Variants in TRAPPC9 observed in about 807,000 individuals in gnomAD.
The protein encoded by TRAPPC9 is trafficking protein particle complex subunit 9.
TRAPPC9 carries 83 observed loss-of-function variants against 124.0 expected under a neutral mutation model. The ratio of observed to expected loss-of-function variants is 0.67; its 90% confidence interval spans 0.56 to 0.80. TRAPPC9 has a LOEUF of 0.80. TRAPPC9 is among the 30% of genes least tolerant of loss of function. The pLI is 0.00. For missense variants in TRAPPC9, 1,302 were observed against 1,508.3 expected (o/e 0.86, Z 2.27); for synonymous variants, 638 against 617.5 (o/e 1.03, Z -0.49).
At position 139,907,204 on chromosome 8, in the gene TRAPPC9, G is replaced by A. The variant is rs60399990; in HGVS notation, c.2964+2943C>T. Among the ~76,000 whole-genome samples, 1,882 of 152,204 alleles carry A rather than the reference G, an allele frequency of 0.012. 40 individuals carry two copies. Among genetic ancestry groups the A allele is most frequent in the African/African-American group, 0.043 (1,770 of 41,536 alleles). On this transcript the variant is annotated intron_variant, in intron 20 of 22. Coordinates refer to ENST00000438773, the MANE Select transcript of TRAPPC9 (RefSeq NM_001160372.4). This position sits in a 1 kb window ranked among gnomAD's most constrained non-coding sequence, Gnocchi z 4.7. ...TCCCGGCAGCCCTGGGCTGCCCATC[G>A]TGTCACCGTAGCTGCTTCATAGACA...
chr8:140,388,494 A>AC (rs548784081), intron 7 of TRAPPC9, among the ~76,000 whole-genome samples: 13 of 151,868 alleles, frequency 8.6e-5, no homozygotes, highest in Non-Finnish European at 1.6e-4. Context: ...GACCAGCCTG[A>AC]CCAACATGGA....
rs1334511678 is a variant in TRAPPC9 at position 140,221,443 on chromosome 8, T to C, written c.2556+16A>G. ...CGAACGGCACGTGGCAGATGCCGTC[T>C]GCCATACCAACTCACCTTCACGTGG... On this transcript the variant is annotated intron_variant, in intron 17 of 22. Coordinates refer to ENST00000438773, the MANE Select transcript of TRAPPC9 (RefSeq NM_001160372.4). 1.9e-6 allele frequency: 3 copies of C among 1,613,802 alleles called. No homozygotes were observed. In the African/African-American group the frequency reaches 4.0e-5, roughly 22 times the overall value.
intron 17 of TRAPPC9, among the ~76,000 whole-genome samples, chr8:140,112,649 GTTCGT>G: frequency 6.6e-6 from 1 of 152,086 alleles, no homozygotes; most frequent in Non-Finnish European, 1.5e-5. Flanking sequence ...GAGCCGGTGG[GTTCGT>G]CATTATCTCC....
chr8:140,067,011 G>C (rs778734293), intron 17 of TRAPPC9, among the ~76,000 whole-genome samples: 36 of 152,320 alleles, frequency 2.4e-4, no homozygotes, highest in Middle Eastern at 6.8e-3. Flanking sequence ...CAGGAGTCTT[G>C]AATAGGGTAA....
chr8:140,004,120 T>C (rs1838587058), intron 18 of TRAPPC9, among the ~76,000 whole-genome samples: 1 of 152,178 alleles, frequency 6.6e-6, no homozygotes, highest in Non-Finnish European at 1.5e-5. Flanking sequence ...ATTCCATTTA[T>C]AAGACATTCT....
intron 21 of TRAPPC9, among the ~76,000 whole-genome samples, chr8:139,863,166 T>C (rs188209042): frequency 6.6e-6 from 1 of 152,362 alleles, no homozygotes; most frequent in East Asian, 1.9e-4. Context: ...CCAGGAAGGC[T>C]ACGGACTTTG....
chr8:140,421,906 T>C (rs1423462362), intron 5 of TRAPPC9, among the ~76,000 whole-genome samples: 1 of 142,440 alleles, frequency 7.0e-6, no homozygotes, highest in African/African-American at 2.6e-5. Flanking sequence ...CTGATAGCAA[T>C]GATTCTGCCT....
At chr8:139,824,363 C>G (rs1348302045) in intron 21 of TRAPPC9, among the ~76,000 whole-genome samples, 2 of 152,144 alleles carry the variant, frequency 1.3e-5, no homozygotes, top group African/African-American at 4.8e-5. Context: ...AGCACCACAG[C>G]ACTGTCATTA....
At chr8:139,965,322 G>A (rs1407330188) in intron 19 of TRAPPC9, among the ~76,000 whole-genome samples, 8 of 152,130 alleles carry the variant, frequency 5.3e-5, no homozygotes, top group East Asian at 1.9e-4. Context: ...GATTCTCCCC[G>A]CATGACAATC....
At chr8:140,168,283 C>T (rs987336350) in intron 17 of TRAPPC9, among the ~76,000 whole-genome samples, 1 of 152,192 alleles carries the variant, frequency 6.6e-6, no homozygotes, top group African/African-American at 2.4e-5. Context: ...TAAGATTAAC[C>T]ATTCTCCAGT....
At chr8:139,796,875 G>A (rs958431031) in intron 21 of TRAPPC9, among the ~76,000 whole-genome samples, 3 of 152,192 alleles carry the variant, frequency 2.0e-5, no homozygotes, top group African/African-American at 4.8e-5. Flanking sequence ...CAGTGGGAGG[G>A]TTCCAGTTTC....
Position 140,182,888 on chromosome 8 carries a change from C to T in TRAPPC9, c.2556+38571G>A, listed in dbSNP as rs544381762. On this transcript the variant is annotated intron_variant, in intron 17 of 22. Coordinates refer to ENST00000438773, the MANE Select transcript of TRAPPC9 (RefSeq NM_001160372.4). The surrounding 1 kb of genome is among the most constrained non-coding windows in gnomAD (Gnocchi z 4.0). ...TTCCCAGTGCAGCCTTTCCAATGCACGGGAGCCAGCACTCTCTCCCTCCCA... is the reference window on the plus strand; with the variant it reads ...TTCCCAGTGCAGCCTTTCCAATGCATGGGAGCCAGCACTCTCTCCCTCCCA... Among the ~76,000 whole-genome samples the T allele has an allele frequency of 7.2e-5, 11 of 152,238 alleles. No individual in the cohort carries two copies. Among genetic ancestry groups the T allele is most frequent in the Admixed American group, 3.3e-4 (5 of 15,294 alleles).
intron 17 of TRAPPC9, among the ~76,000 whole-genome samples, chr8:140,029,875 T>A (rs190709627): frequency 2.0e-4 from 31 of 152,066 alleles, no homozygotes; most frequent in Admixed American, 1.7e-3. Flanking sequence ...CCCTCATGAA[T>A]TTAAATGTAA....
At chr8:139,944,495 T>A (rs779257122) in intron 19 of TRAPPC9, among the ~76,000 whole-genome samples, 13 of 152,206 alleles carry the variant, frequency 8.5e-5, no homozygotes, top group Admixed American at 4.6e-4. Context: ...ATATTTTATG[T>A]GAAATGACAC....
At chr8:140,187,716 C>A (rs2062383979) in intron 17 of TRAPPC9, among the ~76,000 whole-genome samples, 1 of 152,178 alleles carries the variant, frequency 6.6e-6, no homozygotes, top group African/African-American at 2.4e-5. Flanking sequence ...GCTCTGTCAC[C>A]CAGGCTGGAG....
At chr8:140,432,249 G>A (rs560543347) in intron 4 of TRAPPC9, among the ~76,000 whole-genome samples, 1 of 152,044 alleles carries the variant, frequency 6.6e-6, no homozygotes, top group East Asian at 1.9e-4. Context: ...ATGATCAACA[G>A]GGCTTTTTAA....
rs1835332426 is a variant in TRAPPC9, at chr8:139,960,840, G to A, written c.2810+27886C>T. ...CTGGTGGGGCTCAGCTTGCATGGGG[G>A]CTCCACAGCAAGTCACAATCTGTTC... On this transcript the variant is annotated intron_variant, in intron 19 of 22. Coordinates refer to ENST00000438773, the MANE Select transcript of TRAPPC9 (RefSeq NM_001160372.4). Among the ~76,000 whole-genome samples, 2 of 124,896 alleles carry A rather than the reference G, an allele frequency of 1.6e-5. 1 individual carries two copies. Among genetic ancestry groups the A allele is most frequent in the Non-Finnish European group, 3.8e-5 (2 of 52,258 alleles). The allele number at this position is 124,896 out of a possible 152,430, so 81.9% of individuals were successfully genotyped here.
At chr8:140,056,033 C>A (rs1842269575) in intron 17 of TRAPPC9, among the ~76,000 whole-genome samples, 1 of 151,882 alleles carries the variant, frequency 6.6e-6, no homozygotes, top group Non-Finnish European at 1.5e-5. Flanking sequence ...CCAGAACAGC[C>A]AAAACCATCT....
chr8:140,349,155 C>T (rs1464499558), intron 9 of TRAPPC9, among the ~76,000 whole-genome samples: 6 of 78,398 alleles, frequency 7.7e-5, no homozygotes, highest in Admixed American at 5.1e-4. Flanking sequence ...CAGCGGGGGC[C>T]GATGGGGGCG....
Sources: allele counts gnomAD v4.1 joint callset (sites outside exome capture counted in the v4.1 genomes callset), GRCh38; gene constraint gnomAD v4.1.1; non-coding constraint Gnocchi (gnomAD v3.1); transcripts MANE v1.5; gene names NCBI Gene and HGNC (gene_info 2026-07-23, HGNC 2026-07-21).